The following CPNE1 variants were observed in gnomAD, a reference collection of about 807,000 sequenced individuals.
The protein encoded by CPNE1 is copine-1.
A neutral mutation model predicts 63.2 loss-of-function variants in CPNE1; 58 were observed. That is an observed-to-expected ratio of 0.92 (90% CI 0.74 to 1.14). CPNE1 has a LOEUF of 1.14. Ranked by LOEUF, CPNE1 falls within the 50% of genes most tolerant of loss-of-function variation. CPNE1 has a pLI of 0.00. For synonymous variants in CPNE1, 237 were observed against 249.0 expected, an observed-to-expected ratio of 0.95 and a Z score of 0.45; for missense variants, 672 against 661.7, an observed-to-expected ratio of 1.02 and a Z score of -0.17.
At chr20:35,651,640 G>C (rs2033527386) in intron 1 of CPNE1, 1 of 152,304 alleles carries the variant, frequency 6.6e-6, no homozygotes. Flanking sequence ...CATATGAAAA[G>C]GACTTCAAAT....
chr20:35,634,230 C>T (rs1016737002), intron 1 of CPNE1, among the ~76,000 whole-genome samples: 1 of 147,498 alleles, frequency 6.8e-6, no homozygotes, highest in African/African-American at 2.5e-5. Flanking sequence ...CACTGCACTC[C>T]AGCCTGGGGG....
intron 1 of CPNE1, among the ~76,000 whole-genome samples, chr20:35,660,365 C>T (rs1022950374): frequency 3.3e-5 from 5 of 152,058 alleles, no homozygotes; most frequent in Admixed American, 3.3e-4. Context: ...TACAGGCTTG[C>T]GCCACCACCC....
chr20:35,652,979 G>A (rs1418158122), intron 1 of CPNE1: 1 of 1,613,760 alleles, frequency 6.2e-7, no homozygotes, highest in East Asian at 2.2e-5. Flanking sequence ...AATCCCGATG[G>A]CCCACTTAAA....
At position 35,632,987 on chromosome 20, in the gene CPNE1, C is replaced by T; in HGVS notation, c.1-64G>A. The T allele has an allele frequency of 3.6e-6, 3 of 826,696 alleles. No homozygotes were observed. In the South Asian group the frequency reaches 4.4e-5, roughly 12 times the overall value. 51.2% of individuals were successfully genotyped at this position (826,696 alleles called of 1,614,324 possible). ...TCTCTCCCCTTCCCCGACTACAGGT[C>T]CCAGCTTGGGAAGGCCAGCAGGCAT... On this transcript the variant is annotated intron_variant, in intron 1 of 15. Coordinates refer to ENST00000397443, the MANE Select transcript of CPNE1 (RefSeq NM_152925.3).
At chr20:35,652,698 G>T in intron 1 of CPNE1, 2 of 1,614,144 alleles carry the variant, frequency 1.2e-6, no homozygotes, top group Non-Finnish European at 1.7e-6. Flanking sequence ...AGCCATAAAA[G>T]AAATCTAAAA....
rs370549870 is a variant in CPNE1, at chr20:35,626,724, G to A, written c.1316C>T (p.Ser439Leu). The A allele has an allele frequency of 1.1e-4, 172 of 1,614,088 alleles. No individual in the cohort carries two copies. Among genetic ancestry groups the A allele is most frequent in the Non-Finnish European group, 1.4e-4 (162 of 1,180,028 alleles). The stretch of plus-strand genomic sequence containing the variant: ...AATGATCACTGACATGGGCAGGTTC[G>A]AGGCACGCACCACAGCCTCACGTGT... ...EATREAVVRA[S>L]NLPMSVIIVG... Residue 439 changes from serine to leucine, a missense_variant, in exon 15 of 16, where the codon TCG becomes TTG. Physicochemically the swap from Ser to Leu is moderately radical, Grantham distance 145 (BLOSUM62 -2). Transcript: ENST00000397443.
rs146302278 is a variant in CPNE1, at chr20:35,632,631, C to T, written c.195G>A (p.Glu65=). ...SPEFSKTLQL[E]YRFETVQKLR... ...GCTTCTGGACTGTCTCAAAGCGGTA[C>T]TCAAGCTGTAGAGTCTTGGAGAACT... is the stretch of plus-strand genomic sequence containing the variant. The change falls in exon 3 of 16, where the codon GAG becomes GAA. Residue 65 remains glutamate (E), a synonymous_variant. Coordinates refer to ENST00000397443, the MANE Select transcript of CPNE1 (RefSeq NM_152925.3). 2 of 1,530,498 alleles carry T rather than the reference C, an allele frequency of 1.3e-6. No individual in the cohort carries two copies. The highest frequency in any genetic ancestry group is 2.2e-5 in the East Asian group (1 of 44,490). 94.8% of individuals were successfully genotyped at this position (1,530,498 alleles called of 1,614,324 possible). A position where few individuals can be genotyped will look rare whatever the true frequency, so the allele number is the denominator to read the frequency against.
At position 35,654,080 on chromosome 20, in the gene CPNE1, T is replaced by C. The variant is rs753894008; in HGVS notation, c.-1+10680A>G. ...CTTGACCTTGATCTTTTCTGCCCAC[T>C]GGGCGATTTTGACCTGGGAAGTGTC... On this transcript the variant is annotated intron_variant, in intron 1 of 15. Coordinates refer to ENST00000397443, the MANE Select transcript of CPNE1 (RefSeq NM_152925.3). The C allele has an allele frequency of 1.2e-6, 2 of 1,614,236 alleles. No individual in the cohort carries two copies. The highest frequency in any genetic ancestry group is 4.5e-5 in the East Asian group (2 of 44,888).
At chr20:35,645,219 A>G (rs1249197564) in intron 1 of CPNE1, among the ~76,000 whole-genome samples, 3 of 152,224 alleles carry the variant, frequency 2.0e-5, no homozygotes, top group Non-Finnish European at 4.4e-5. Flanking sequence ...CCTATTGTTC[A>G]TAATGCAAGC....
chr20:35,631,778 C>T lies in CPNE1; in HGVS notation c.538-1G>A, dbSNP rs2032161407. On this transcript the variant is annotated splice_acceptor_variant, in intron 6 of 15. Transcript: ENST00000397443. LOFTEE classifies it high-confidence loss of function. ...TAGGGTTCAGGTTGTTCTTGATGAC[C>T]TGAAGGTGGAGGCCAAGGCCTCCAG... is the stretch of plus-strand genomic sequence containing the variant. 3.1e-6 allele frequency: 5 copies of T among 1,613,574 alleles called. No homozygotes were observed. In the African/African-American group the frequency reaches 5.3e-5, roughly 17 times the overall value.
intron 1 of CPNE1, among the ~76,000 whole-genome samples, chr20:35,656,500 G>C (rs2033904324): frequency 6.6e-6 from 1 of 152,154 alleles, no homozygotes; most frequent in Non-Finnish European, 1.5e-5. Context: ...CAATAACATA[G>C]GGTGTTTTCC....
chr20:35,661,964 T>G (rs776517060), intron 1 of CPNE1, among the ~76,000 whole-genome samples: 9 of 152,132 alleles, frequency 5.9e-5, no homozygotes, highest in Non-Finnish European at 8.8e-5. Flanking sequence ...ACGGGCACAA[T>G]GCTAAAAACA....
intron 7 of CPNE1, 28 bp downstream of exon 7, chr20:35,631,660 C>T (rs1437522989): frequency 6.2e-7 from 1 of 1,611,606 alleles, no homozygotes; most frequent in Admixed American, 1.7e-5. Flanking sequence ...TTCTCCAGCG[C>T]AGTCCACTTA....
At chr20:35,649,041 T>C (rs1226123349) in intron 1 of CPNE1, 2 of 152,684 alleles carry the variant, frequency 1.3e-5, no homozygotes, top group African/African-American at 2.4e-5. Context: ...CAAGGCAGTA[T>C]TTGCTGGCAA....
Position 35,632,823 on chromosome 20 carries a change from T to C in CPNE1, c.101A>G (p.Gln34Arg), listed in dbSNP as rs1257972639. The C allele has an allele frequency of 5.7e-6, 5 of 872,682 alleles. 1 individual carries two copies. Among genetic ancestry groups the C allele is most frequent in the South Asian group, 5.2e-5 (4 of 76,508 alleles). 54.1% of individuals were successfully genotyped at this position (872,682 alleles called of 1,614,324 possible). A position where few individuals can be genotyped will look rare whatever the true frequency, so the allele number is the denominator to read the frequency against. ...SKSDPLCVLL[Q>R]DVGGGSWAEL... ...AGCCCAGCTGCCCCCTCCCACATCCTGTAAAAGGACGCAGAGTGGGTCAGA... is the reference window on the plus strand; with the variant it reads ...AGCCCAGCTGCCCCCTCCCACATCCCGTAAAAGGACGCAGAGTGGGTCAGA... The change falls in exon 2 of 16, where the codon CAG (glutamine) becomes CGG (arginine). Residue 34 changes from glutamine to arginine, a missense_variant. Gln to Arg is a conservative substitution (Grantham distance 43). Transcript: ENST00000397443.
At chr20:35,653,341 C>T (rs745738666) in intron 1 of CPNE1, 1 of 1,613,910 alleles carries the variant, frequency 6.2e-7, no homozygotes, top group Non-Finnish European at 8.5e-7. Context: ...ACTGGGCAGT[C>T]CCACACCGGG....
intron 1 of CPNE1, chr20:35,653,417 T>TTC: frequency 6.2e-7 from 1 of 1,614,118 alleles, no homozygotes; most frequent in East Asian, 2.2e-5. Flanking sequence ...AATCCCTTTT[T>TTC]TCCTTGGGCA....
In CPNE1 at chr20:35,660,007, G is replaced by A. The variant is rs572173334; in HGVS notation, c.-1+4753C>T. Among the ~76,000 whole-genome samples, 6 of 152,004 alleles carry A rather than the reference G, an allele frequency of 3.9e-5. No homozygotes were observed. In the South Asian group the frequency reaches 6.2e-4, roughly 16 times the overall value. ...ACAACTAATGACCTTAATATTCATC[G>A]CCAAAAAGTAAAACATATTTCAAAA... On this transcript the variant is annotated intron_variant, in intron 1 of 15. Transcript: ENST00000397443.
intron 1 of CPNE1, among the ~76,000 whole-genome samples, chr20:35,636,261 G>T (rs1280485735): frequency 3.3e-5 from 5 of 152,188 alleles, no homozygotes; most frequent in Non-Finnish European, 7.3e-5. Flanking sequence ...AAGGGATCAG[G>T]ATCACAGCTT....
Sources: gnomAD v4.1 joint callset for allele counts (sites outside exome capture counted in the v4.1 genomes callset) on GRCh38, gnomAD v4.1.1 for gene constraint, MANE v1.5 for transcripts, NCBI Gene and HGNC (gene_info 2026-07-23, HGNC 2026-07-21) for gene names.